PACRG: variants seen among roughly 807,000 people sequenced by gnomAD.
PACRG encodes the protein parkin coregulated gene protein.
Under a neutral mutation model 29.7 loss-of-function variants are expected in PACRG, and 29 were observed. That is an observed-to-expected ratio of 0.98 (90% CI 0.73 to 1.33). The LOEUF (loss-of-function observed/expected upper bound fraction) is 1.33. Among genes scored for constraint, PACRG ranks in the 40% most tolerant of loss-of-function variants. The pLI, the probability that PACRG is intolerant of heterozygous loss-of-function variation, is 0.00. For missense variants in PACRG, 279 were observed against 316.2 expected (o/e 0.88, Z 0.89); for synonymous variants, 116 against 118.7 (o/e 0.98, Z 0.15).
chr6:163,230,534 C>T (rs886955389), intron 4 of PACRG, among the ~76,000 whole-genome samples: 2 of 152,026 alleles, frequency 1.3e-5, no homozygotes, highest in Admixed American at 6.6e-5. Context: ...TTTATAGTTT[C>T]GACTTTTGAA....
intron 4 of PACRG, among the ~76,000 whole-genome samples, chr6:163,187,268 G>A (rs186081128): frequency 1.3e-5 from 2 of 151,884 alleles, no homozygotes; most frequent in South Asian, 2.1e-4. Context: ...TGATCTGTTC[G>A]CGGCCTCTGC....
intron 4 of PACRG, among the ~76,000 whole-genome samples, chr6:163,234,187 TG>T (rs1246374898): frequency 6.6e-6 from 1 of 152,142 alleles, no homozygotes; most frequent in African/African-American, 2.4e-5. Flanking sequence ...ATAGCTTGTT[TG>T]GCGCTGCCAA....
At chr6:163,008,393 C>T (rs1018413311) in intron 2 of PACRG, among the ~76,000 whole-genome samples, 1 of 152,088 alleles carries the variant, frequency 6.6e-6, no homozygotes. Context: ...AAACGAGGCA[C>T]ACATCCAAAT....
intron 4 of PACRG, among the ~76,000 whole-genome samples, chr6:163,187,347 C>T (rs1779990337): frequency 6.6e-6 from 1 of 152,138 alleles, no homozygotes; most frequent in South Asian, 2.1e-4. Flanking sequence ...GCACCCAGGC[C>T]TGTGCAAGTG....
rs1810468955 is a variant in PACRG at position 163,055,328 on chromosome 6, G to GTGCACACACAAA, written c.292-6812_292-6811insAATGCACACACA. The stretch of plus-strand genomic sequence containing the variant: ...CACACACATGCACACATATCCAGGT[G>GTGCACACACAAA]TGCACACACACATGCACACACACAC... On this transcript the variant is annotated intron_variant, in intron 2 of 4. Coordinates refer to ENST00000366888, the MANE Select transcript of PACRG (RefSeq NM_001080379.2). The surrounding 1 kb of genome is among the most constrained non-coding windows in gnomAD (Gnocchi z 4.0). Among the ~76,000 whole-genome samples the GTGCACACACAAA allele has an allele frequency of 6.6e-6, 1 of 151,640 alleles. No homozygotes were observed.
chr6:163,014,317 G>A (rs1805883720), intron 2 of PACRG, among the ~76,000 whole-genome samples: 1 of 152,170 alleles, frequency 6.6e-6, no homozygotes, highest in South Asian at 2.1e-4. Flanking sequence ...CAATAAGCAT[G>A]TGACTGTATG....
In PACRG at chr6:163,181,324, C is replaced by G. The variant is rs75908609; in HGVS notation, c.613+91916C>G. On this transcript the variant is annotated intron_variant, in intron 4 of 4. Coordinates refer to ENST00000366888, the MANE Select transcript of PACRG (RefSeq NM_001080379.2). ...GAACTTTGACCCACACACTCAGCCC[C>G]GATCTCTGTGGCCACCTCTGTGATA... 3.2e-4 allele frequency among the ~76,000 whole-genome samples: 48 copies of G among 152,288 alleles called. No homozygotes were observed. The South Asian group carries it at 9.7e-3, about 31-fold the overall frequency.
intron 2 of PACRG, among the ~76,000 whole-genome samples, chr6:162,969,065 A>C (rs1562790004): frequency 6.6e-6 from 1 of 151,320 alleles, no homozygotes; most frequent in African/African-American, 2.4e-5. Context: ...AAAAAAAAAA[A>C]AGTAACAGAC....
In PACRG at chr6:162,928,795, C is replaced by A. The variant is rs577040182; in HGVS notation, c.291+114514C>A. On this transcript the variant is annotated intron_variant, in intron 2 of 4. Coordinates refer to ENST00000366888, the MANE Select transcript of PACRG (RefSeq NM_001080379.2). ...CCCCACTCTTTCCAACCTCTGGTAA[C>A]AACCAATTTGTTTTCTTCTTAATAA... 2.8e-4 allele frequency among the ~76,000 whole-genome samples: 43 copies of A among 151,824 alleles called. No homozygotes were observed. The East Asian group carries it at 7.4e-3, about 26-fold the overall frequency.
chr6:162,815,671 G>A (rs533080402), intron 2 of PACRG, among the ~76,000 whole-genome samples: 4 of 151,678 alleles, frequency 2.6e-5, no homozygotes, highest in African/African-American at 9.7e-5. Context: ...AATTTATAGC[G>A]TGTATAACTA....
chr6:163,300,877 A>G (rs56203277), intron 4 of PACRG, among the ~76,000 whole-genome samples: 3,917 of 74,326 alleles, frequency 0.053, 50 homozygotes, highest in African/African-American at 0.1. Flanking sequence ...ACTGCTTCCC[A>G]TGAGTTTAGC....
chr6:162,949,343 A>C (rs1017119318), intron 2 of PACRG, among the ~76,000 whole-genome samples: 1 of 152,126 alleles, frequency 6.6e-6, no homozygotes, highest in Admixed American at 6.5e-5. Flanking sequence ...TAGATACCAG[A>C]GACTGGGAAG....
intron 2 of PACRG, among the ~76,000 whole-genome samples, chr6:162,922,001 T>C (rs1216779984): frequency 2.6e-5 from 4 of 152,048 alleles, no homozygotes; most frequent in Non-Finnish European, 4.4e-5. Context: ...CTCTGCCATT[T>C]TTCCTTGTCT....
At chr6:163,175,474 C>T (rs2128349715) in intron 4 of PACRG, among the ~76,000 whole-genome samples, 1 of 151,994 alleles carries the variant, frequency 6.6e-6, no homozygotes, top group South Asian at 2.1e-4. Context: ...CCCCCAGCCA[C>T]CTGTGACTCT....
intron 4 of PACRG, among the ~76,000 whole-genome samples, chr6:163,175,612 G>A (rs1779308220): frequency 6.6e-6 from 1 of 152,050 alleles, no homozygotes; most frequent in African/African-American, 2.4e-5. Flanking sequence ...GGTGCATAAG[G>A]GGGAGTGGGG....
intron 4 of PACRG, among the ~76,000 whole-genome samples, chr6:163,200,154 T>C (rs1451316635): frequency 6.6e-6 from 1 of 152,182 alleles, no homozygotes; most frequent in Admixed American, 6.5e-5. Context: ...ACCAGAGGAA[T>C]CTTTTAGTCC....
intron 2 of PACRG, among the ~76,000 whole-genome samples, chr6:163,032,494 G>A (rs1452124430): frequency 1.3e-5 from 2 of 152,160 alleles, no homozygotes; most frequent in Non-Finnish European, 2.9e-5. Context: ...TGTTAGAACA[G>A]CCACAGTCAA....
chr6:163,240,872 C>T (rs959347840), intron 4 of PACRG, among the ~76,000 whole-genome samples: 12 of 152,200 alleles, frequency 7.9e-5, no homozygotes, highest in African/African-American at 2.9e-4. Flanking sequence ...TCAGGCTTCC[C>T]TCCTCGCCCG....
intron 2 of PACRG, among the ~76,000 whole-genome samples, chr6:162,930,634 A>G (rs1211742086): frequency 6.6e-6 from 1 of 152,020 alleles, no homozygotes; most frequent in East Asian, 1.9e-4. Context: ...TACATTGAAT[A>G]AAAGTAGTAA....
Sources: allele counts gnomAD v4.1 joint callset (sites outside exome capture counted in the v4.1 genomes callset), GRCh38; gene constraint gnomAD v4.1.1; non-coding constraint Gnocchi (gnomAD v3.1); transcripts MANE v1.5; gene names NCBI Gene and HGNC (gene_info 2026-07-23, HGNC 2026-07-21).